The following ADAM20 variants were observed in gnomAD, a reference collection of about 807,000 sequenced individuals.
ADAM20 encodes the protein disintegrin and metalloproteinase domain-containing protein 20.
For synonymous variants in ADAM20, 305 were observed against 310.2 expected (o/e 0.98, Z 0.18); for missense variants, 871 against 883.2 (o/e 0.99, Z 0.18).
chr14:70,524,905 C>A lies in ADAM20; in HGVS notation c.-148G>T. The A allele has an allele frequency of 3.7e-6, 6 of 1,605,218 alleles. No individual in the cohort carries two copies. Among genetic ancestry groups the A allele is most frequent in the Non-Finnish European group, 5.1e-6 (6 of 1,175,818 alleles). ...GATCTGTGTCCTGGTGGAGCTGGAC[C>A]ATCAGAGCTGCAGTGCTGAAAATAA... On this transcript the variant is annotated 5_prime_UTR_variant, in exon 2 of 2. An upstream start codon of the reference 5' UTR is lost. Coordinates refer to ENST00000256389, the MANE Select transcript of ADAM20 (RefSeq NM_003814.5).
chr14:70,530,975 A>C (rs2139538549), intron 1 of ADAM20, among the ~76,000 whole-genome samples: 2 of 152,258 alleles, frequency 1.3e-5, no homozygotes, highest in East Asian at 3.9e-4. Flanking sequence ...GAAAGTCAAC[A>C]GAAAAAAGAC....
upstream of ADAM20, among the ~76,000 whole-genome samples, chr14:70,536,023 A>G (rs1182666923): frequency 1.3e-5 from 2 of 152,248 alleles, no homozygotes; most frequent in East Asian, 3.8e-4. Context: ...GAAATAGAAA[A>G]CTTAAGAAAT....
the ADAM20 span, among the ~76,000 whole-genome samples, chr14:70,560,910 C>G: frequency 1.3e-5 from 2 of 152,076 alleles, no homozygotes; most frequent in Non-Finnish European, 2.9e-5. Flanking sequence ...TGAGAATGGA[C>G]TAATACAGAA....
chr14:70,567,070 A>G, the ADAM20 span, among the ~76,000 whole-genome samples: 2 of 152,146 alleles, frequency 1.3e-5, no homozygotes, highest in Non-Finnish European at 2.9e-5. Context: ...CTCTGTCCTC[A>G]TGACCTAGGG....
At chr14:70,537,682 G>A (rs1309646109), upstream of ADAM20, among the ~76,000 whole-genome samples, 2 of 152,134 alleles carry the variant, frequency 1.3e-5, no homozygotes, top group African/African-American at 4.8e-5. Context: ...CAGTCTACAT[G>A]GGTGCCAAAC....
At chr14:70,528,872 C>T (rs1361197151) in intron 1 of ADAM20, among the ~76,000 whole-genome samples, 1 of 152,136 alleles carries the variant, frequency 6.6e-6, no homozygotes, top group Non-Finnish European at 1.5e-5. Context: ...GGTTTGACTA[C>T]ATCTTGTTTG....
At chr14:70,524,956 G>C in intron 1 of ADAM20, 23 bp from the exon 2 acceptor site, 7 of 1,530,372 alleles carry the variant, frequency 4.6e-6, no homozygotes, top group Non-Finnish European at 5.3e-6. Flanking sequence ...GGATGGGGTG[G>C]GTGGGATAGA....
upstream of ADAM20, among the ~76,000 whole-genome samples, chr14:70,539,919 C>G (rs568284459): frequency 2.0e-5 from 3 of 152,198 alleles, no homozygotes; most frequent in Non-Finnish European, 4.4e-5. Context: ...CGGTGACCCC[C>G]CTGGACCCAG....
the ADAM20 span, among the ~76,000 whole-genome samples, chr14:70,546,536 T>C: frequency 6.6e-6 from 1 of 152,082 alleles, no homozygotes; most frequent in Non-Finnish European, 1.5e-5. Context: ...TGACAACCCT[T>C]TCTAAAGGAG....
chr14:70,563,279 C>T, the ADAM20 span, among the ~76,000 whole-genome samples: 1 of 151,996 alleles, frequency 6.6e-6, no homozygotes, highest in Non-Finnish European at 1.5e-5. Flanking sequence ...ATGAACAATT[C>T]CCCAAAGGAA....
chr14:70,546,463 C>G, the ADAM20 span, among the ~76,000 whole-genome samples: 2 of 152,056 alleles, frequency 1.3e-5, no homozygotes, highest in African/African-American at 4.8e-5. Flanking sequence ...CAACTCAAAG[C>G]AAAGAGGGGA....
At chr14:70,541,665 T>C in the ADAM20 span, among the ~76,000 whole-genome samples, 2 of 152,220 alleles carry the variant, frequency 1.3e-5, no homozygotes, top group Non-Finnish European at 2.9e-5. Flanking sequence ...TATAAAAGCA[T>C]ACAGGAAGCA....
the ADAM20 span, among the ~76,000 whole-genome samples, chr14:70,578,268 G>A: frequency 1.3e-5 from 2 of 152,130 alleles, no homozygotes; most frequent in Non-Finnish European, 2.9e-5. Context: ...AGTAAGTGGT[G>A]CAGGAAAAAC....
chr14:70,554,956 TAGG>T, the ADAM20 span, among the ~76,000 whole-genome samples: 1 of 152,202 alleles, frequency 6.6e-6, no homozygotes, highest in Non-Finnish European at 1.5e-5. Flanking sequence ...ACAGAATTTT[TAGG>T]AGTTTAAATA....
intron 1 of ADAM20, among the ~76,000 whole-genome samples, chr14:70,526,385 A>G (rs1566656926): frequency 6.6e-6 from 1 of 152,140 alleles, no homozygotes; most frequent in Non-Finnish European, 1.5e-5. Flanking sequence ...CACAAGAGGA[A>G]ATCAGGATCA....
In ADAM20 at chr14:70,523,949, C is replaced by T. The variant is rs1255339803; in HGVS notation, c.809G>A (p.Gly270Glu). ...GTCCTCTAAAACATTATCTAGGTCT[C>T]CACTGGTAGGAAGTGGATTTGATGC... Reference protein sequence around the residue: ...WTASNPLPTSGDLDNVLEDFS... With the variant: ...WTASNPLPTSEDLDNVLEDFS... Residue 270 changes from glycine to glutamate, a missense_variant, in exon 2 of 2, where the codon GGA becomes GAA. Coordinates refer to ENST00000256389, the MANE Select transcript of ADAM20 (RefSeq NM_003814.5). The T allele has an allele frequency of 2.5e-6, 4 of 1,613,854 alleles. No individual in the cohort carries two copies. The highest frequency in any genetic ancestry group is 3.4e-6 in the Non-Finnish European group (4 of 1,179,946).
the ADAM20 span, among the ~76,000 whole-genome samples, chr14:70,553,285 T>C: frequency 4.5e-5 from 3 of 67,220 alleles, no homozygotes; most frequent in African/African-American, 2.0e-4. Context: ...AATGTGCACA[T>C]GTACCCTAAA....
the ADAM20 span, among the ~76,000 whole-genome samples, chr14:70,544,642 AC>A: frequency 1.3e-5 from 2 of 152,214 alleles, no homozygotes; most frequent in Non-Finnish European, 2.9e-5. Flanking sequence ...ATAATTCATT[AC>A]ACAGTAGGGT....
chr14:70,567,090 C>T, the ADAM20 span, among the ~76,000 whole-genome samples: 1 of 152,152 alleles, frequency 6.6e-6, no homozygotes, highest in Admixed American at 6.5e-5. Context: ...GCAAAGCTAT[C>T]GGTGGTGACT....
Sources: gnomAD v4.1 joint callset for allele counts (sites outside exome capture counted in the v4.1 genomes callset) on GRCh38, gnomAD v4.1.1 for gene constraint, MANE v1.5 for transcripts, NCBI Gene and HGNC (gene_info 2026-07-23, HGNC 2026-07-21) for gene names.